Variants in OR51B5 observed in about 807,000 individuals in gnomAD.
The protein encoded by OR51B5 is olfactory receptor family 51 subfamily B member 5, also known as olfactory receptor 51B5.
For missense variants in OR51B5, 456 were observed against 374.6 expected, an observed-to-expected ratio of 1.22 and a Z score of -1.79; for synonymous variants, 186 against 144.8, an observed-to-expected ratio of 1.28 and a Z score of -2.04.
At chr11:5,441,182 G>A (rs1850683148) in intron 1 of OR51B5, 1 of 1,613,960 alleles carries the variant, frequency 6.2e-7, no homozygotes, top group Non-Finnish European at 8.5e-7. Context: ...CTGACTCCAT[G>A]AAGGAGAAAG....
chr11:5,403,635 G>C (rs1016744177), intron 1 of OR51B5: 3 of 396,188 alleles, frequency 7.6e-6, no homozygotes, highest in African/African-American at 6.2e-5. Flanking sequence ...TTATGCGATT[G>C]ATATCACCTT....
At chr11:5,446,440 A>C (rs1850764993) in intron 1 of OR51B5, among the ~76,000 whole-genome samples, 2 of 152,154 alleles carry the variant, frequency 1.3e-5, no homozygotes, top group South Asian at 4.1e-4. Flanking sequence ...GAAATTTTTA[A>C]TGAAAAAAGG....
intron 1 of OR51B5, among the ~76,000 whole-genome samples, chr11:5,479,278 G>A (rs200797547): frequency 0.33 from 48,759 of 147,140 alleles, 8,132 homozygotes; most frequent in Middle Eastern, 0.37. Context: ...ATAAGTGAAG[G>A]AGAAATAAAA....
chr11:5,476,407 C>T (rs1289993781), intron 1 of OR51B5, among the ~76,000 whole-genome samples: 1 of 152,160 alleles, frequency 6.6e-6, no homozygotes, highest in Non-Finnish European at 1.5e-5. Flanking sequence ...TGTATGGCCA[C>T]AAGGGGGCAC....
At chr11:5,489,193 A>G in intron 1 of OR51B5, 3 of 1,613,720 alleles carry the variant, frequency 1.9e-6, no homozygotes, top group Non-Finnish European at 2.5e-6. Flanking sequence ...CTCCCCCTTC[A>G]TCTTCTTGCT....
intron 1 of OR51B5, chr11:5,453,173 T>A (rs2133786656): frequency 4.9e-6 from 1 of 203,692 alleles, no homozygotes; most frequent in Non-Finnish European, 9.7e-6. Context: ...TATATGCAAG[T>A]TGTAGAAATG....
chr11:5,376,519 T>C (rs989198228), intron 1 of OR51B5, among the ~76,000 whole-genome samples: 1 of 152,036 alleles, frequency 6.6e-6, no homozygotes, highest in Non-Finnish European at 1.5e-5. Flanking sequence ...TTAATGAATC[T>C]GGGAGCTGGT....
intron 1 of OR51B5, chr11:5,431,380 C>T (rs931377750): frequency 8.2e-6 from 2 of 244,894 alleles, no homozygotes; most frequent in Non-Finnish European, 1.6e-5. Flanking sequence ...GACACAGAGA[C>T]GCCCACCTCA....
intron 1 of OR51B5, among the ~76,000 whole-genome samples, chr11:5,427,751 T>C (rs1365579828): frequency 1.3e-5 from 2 of 152,166 alleles, no homozygotes; most frequent in Non-Finnish European, 2.9e-5. Flanking sequence ...CTAAAACTTC[T>C]GGTAATTAAA....
At chr11:5,393,647 T>A (rs1037257617) in intron 1 of OR51B5, among the ~76,000 whole-genome samples, 1 of 152,166 alleles carries the variant, frequency 6.6e-6, no homozygotes, top group African/African-American at 2.4e-5. Context: ...TAATGTTTAT[T>A]AAGCATTTAA....
intron 1 of OR51B5, among the ~76,000 whole-genome samples, chr11:5,485,665 C>A (rs1383519520): frequency 6.6e-6 from 1 of 152,186 alleles, no homozygotes. Context: ...ATCAGGCAGG[C>A]CTATGTCTCA....
At chr11:5,497,221 T>G (rs1051891446) in intron 1 of OR51B5, among the ~76,000 whole-genome samples, 3 of 152,184 alleles carry the variant, frequency 2.0e-5, no homozygotes, top group Admixed American at 1.3e-4. Context: ...TAATAATCTC[T>G]TCCTTAAAGC....
At chr11:5,341,821 T>A (rs900906402), downstream of OR51B5, among the ~76,000 whole-genome samples, 4 of 152,174 alleles carry the variant, frequency 2.6e-5, no homozygotes, top group African/African-American at 9.7e-5. Flanking sequence ...GGCCTCAACA[T>A]TGGAGCTAGC....
At chr11:5,480,345 C>T (rs374321573) in intron 1 of OR51B5, among the ~76,000 whole-genome samples, 17,988 of 151,518 alleles carry the variant, frequency 0.12, 1,281 homozygotes, top group Admixed American at 0.17. Context: ...ATCTCTGGGA[C>T]GCATTCAAAG....
intron 1 of OR51B5, chr11:5,389,331 G>C: frequency 2.1e-6 from 3 of 1,455,328 alleles, no homozygotes; most frequent in African/African-American, 1.4e-5. Flanking sequence ...GTGATGTTGT[G>C]AATGTTAGTG....
upstream of OR51B5, chr11:5,343,693 A>C (rs111936096): frequency 2.1e-4 from 107 of 517,372 alleles, no homozygotes; most frequent in African/African-American, 1.9e-3. Flanking sequence ...AGGGTTACTC[A>C]TACTATTTGT....
intron 1 of OR51B5, among the ~76,000 whole-genome samples, chr11:5,463,792 T>C (rs1024077031): frequency 6.6e-6 from 1 of 152,208 alleles, no homozygotes; most frequent in Non-Finnish European, 1.5e-5. Flanking sequence ...GAGAAACCTG[T>C]CTAAAGAGAT....
At chr11:5,447,211 T>C (rs1478195898) in intron 1 of OR51B5, among the ~76,000 whole-genome samples, 2 of 152,216 alleles carry the variant, frequency 1.3e-5, no homozygotes, top group African/African-American at 4.8e-5. Context: ...CTCCTGACTC[T>C]TTTGTGACTC....
intron 1 of OR51B5, among the ~76,000 whole-genome samples, chr11:5,388,571 A>AT (rs1170527530): frequency 2.7e-5 from 4 of 148,418 alleles, no homozygotes; most frequent in Non-Finnish European, 5.9e-5. Context: ...AACTGGAAGA[A>AT]TTGTTTAGTG....
Sources: gnomAD v4.1 joint callset for allele counts (sites outside exome capture counted in the v4.1 genomes callset) on GRCh38, gnomAD v4.1.1 for gene constraint, MANE v1.5 for transcripts, NCBI Gene and HGNC (gene_info 2026-07-23, HGNC 2026-07-21) for gene names.